The following MACF1 variants were observed in gnomAD, a reference collection of about 807,000 sequenced individuals.
MACF1 encodes microtubule-actin cross-linking factor 1.
Under a neutral mutation model 854.8 loss-of-function variants are expected in MACF1, and 193 were observed. The observed-to-expected ratio is 0.23, with a 90% CI of 0.20 to 0.25. MACF1 has a LOEUF of 0.25. Among genes scored for constraint, MACF1 ranks in the 10% least tolerant of loss-of-function variants. MACF1 has a pLI of 1.00. For missense variants in MACF1, 7,722 were observed against 8,929.1 expected, an observed-to-expected ratio of 0.86 and a Z score of 5.45; for synonymous variants, 3,185 against 3,226.7, an observed-to-expected ratio of 0.99 and a Z score of 0.44.
In MACF1 at chr1:39,442,129, T is replaced by C. The variant is rs1227207401; in HGVS notation, c.18775-18T>C. On this transcript the variant is annotated intron_variant, in intron 75 of 100. Transcript: ENST00000564288. The stretch of plus-strand genomic sequence containing the variant: ...TAAAGGCTTGATTTGATGTTAACAT[T>C]GAGTGTGTCTTTGACAGGAGTTCAA... The C allele has an allele frequency of 1.9e-6, 3 of 1,588,966 alleles. No individual in the cohort carries two copies. Among genetic ancestry groups the C allele is most frequent in the Non-Finnish European group, 2.6e-6 (3 of 1,170,008 alleles).
intron 6 of MACF1, among the ~76,000 whole-genome samples, chr1:39,275,137 G>T (rs1383055206): frequency 6.7e-6 from 1 of 149,480 alleles, no homozygotes; most frequent in Non-Finnish European, 1.5e-5. Context: ...GGAGTGCAGT[G>T]GCGCGATCTC....
At chr1:39,456,288 C>A (rs1310129590) in intron 89 of MACF1, among the ~76,000 whole-genome samples, 2 of 152,098 alleles carry the variant, frequency 1.3e-5, no homozygotes, top group Non-Finnish European at 2.9e-5. Context: ...GAGCTGTGAT[C>A]GCACCATTGC....
At chr1:39,300,495 T>C in intron 22 of MACF1, 133 bp downstream of exon 22, 1 of 859,238 alleles carries the variant, frequency 1.2e-6, no homozygotes, top group Non-Finnish European at 1.6e-6. Context: ...TGCTGAAGTC[T>C]CTCCTATCAT....
chr1:39,352,008 C>T (rs1488088069), intron 43 of MACF1, among the ~76,000 whole-genome samples: 3 of 152,144 alleles, frequency 2.0e-5, no homozygotes, highest in Admixed American at 6.6e-5. Context: ...CGATGGGAAT[C>T]GTGGCACTCG....
chr1:39,462,105 G>C, intron 93 of MACF1, 68 bp downstream of exon 93: 1 of 1,499,960 alleles, frequency 6.7e-7, no homozygotes. Flanking sequence ...AATTTGGTTG[G>C]GTTCAGTGAT....
At chr1:39,159,352 T>C (rs1643752749) in intron 2 of MACF1, among the ~76,000 whole-genome samples, 1 of 152,202 alleles carries the variant, frequency 6.6e-6, no homozygotes, top group Non-Finnish European at 1.5e-5. Flanking sequence ...GCTCTTGCCA[T>C]AGGGCCCTGC....
chr1:39,164,675 C>A (rs1164949639), intron 2 of MACF1, among the ~76,000 whole-genome samples: 1 of 152,174 alleles, frequency 6.6e-6, no homozygotes, highest in Admixed American at 6.5e-5. Flanking sequence ...GCAAGAATGA[C>A]CATCAATATT....
chr1:39,393,122 G>C (rs586057), intron 58 of MACF1, among the ~76,000 whole-genome samples: 58,549 of 145,932 alleles, frequency 0.4, 13,699 homozygotes, highest in African/African-American at 0.66. Context: ...AAGGAAGGAC[G>C]TTTTTATCAC....
At chr1:39,175,033 G>A (rs1315508250) in intron 2 of MACF1, among the ~76,000 whole-genome samples, 1 of 152,160 alleles carries the variant, frequency 6.6e-6, no homozygotes, top group Non-Finnish European at 1.5e-5. Flanking sequence ...CTAAGGAAGT[G>A]GCACAGAAAT....
intron 2 of MACF1, among the ~76,000 whole-genome samples, chr1:39,169,254 A>G (rs1643914006): frequency 6.6e-6 from 1 of 152,142 alleles, no homozygotes; most frequent in African/African-American, 2.4e-5. Flanking sequence ...CCGAAGTAGC[A>G]GCTACTTTCC....
chr1:39,192,111 A>C (rs994158107), intron 2 of MACF1, among the ~76,000 whole-genome samples: 1 of 152,098 alleles, frequency 6.6e-6, no homozygotes, highest in East Asian at 1.9e-4. Context: ...ATATCTCACC[A>C]CTGCACTCCA....
chr1:39,276,454 A>G (rs1037769037), intron 6 of MACF1, among the ~76,000 whole-genome samples: 10 of 152,172 alleles, frequency 6.6e-5, no homozygotes, highest in African/African-American at 1.7e-4. Flanking sequence ...TTTGTAATCT[A>G]TCTTATCTTT....
rs1243354947 is a variant in MACF1, at chr1:39,353,139, A to G, written c.11332A>G (p.Ser3778Gly). ...LPGMEQLSGA[S>G]LEKGALDTTD... ...AGGAATGGAGCAGCTCTCGGGAGCT[A>G]GCTTGGAGAAAGGAGCCTTGGACAC... Residue 3778 changes from serine (S) to glycine (G), a missense_variant, in exon 44 of 101, where the codon AGC (serine) becomes GGC (glycine). Physicochemically the swap from Ser to Gly is moderately conservative, Grantham distance 56 (BLOSUM62 0). This residue lies in a region of MACF1 where 2,807 missense variants were observed against 3,235.8 expected (regional missense o/e 0.87). Coordinates refer to ENST00000564288, the MANE Select transcript of MACF1 (RefSeq NM_001394062.1). 1.9e-6 allele frequency: 3 copies of G among 1,614,058 alleles called. No homozygotes were observed. Among genetic ancestry groups the G allele is most frequent in the Non-Finnish European group, 2.5e-6 (3 of 1,180,008 alleles).
intron 58 of MACF1, among the ~76,000 whole-genome samples, chr1:39,402,229 C>G (rs906850875): frequency 2.0e-5 from 3 of 152,074 alleles, no homozygotes; most frequent in Non-Finnish European, 4.4e-5. Context: ...GGGGGTGATT[C>G]AACCCAGAGA....
intron 58 of MACF1, chr1:39,412,819 C>T: frequency 1.9e-6 from 3 of 1,612,520 alleles, no homozygotes; most frequent in Non-Finnish European, 2.5e-6. Context: ...TGCTGCACTG[C>T]CCAGCCCAGA....
chr1:39,331,104 G>T (rs890992694), intron 36 of MACF1, 99 bp from the exon 37 acceptor site: 1 of 1,426,402 alleles, frequency 7.0e-7, no homozygotes. Flanking sequence ...ATAGTTCTTT[G>T]AATGACTCCT....
chr1:39,329,111 A>C (rs1646670032), intron 36 of MACF1, among the ~76,000 whole-genome samples: 1 of 152,256 alleles, frequency 6.6e-6, no homozygotes, highest in South Asian at 2.1e-4. Flanking sequence ...TAAAACAGAC[A>C]CATAGTGAGT....
At position 39,332,269 on chromosome 1, in the gene MACF1, CCACAGAGAT is replaced by C; in HGVS notation, c.5682_5690del (p.Thr1895_Ile1897del). 1.2e-6 allele frequency: 2 copies of C among 1,613,890 alleles called. No homozygotes were observed. On this transcript the variant is annotated inframe_deletion, in exon 37 of 101. Transcript: ENST00000564288. ...ATTAAGGCTCTGTTTCTACCAGCAA[CCACAGAGAT>C]TTTGTCCTGGAAGAAAGCAATAGAA...
chr1:39,350,038 C>T (rs1382973043), intron 42 of MACF1, among the ~76,000 whole-genome samples: 1 of 152,132 alleles, frequency 6.6e-6, no homozygotes, highest in East Asian at 1.9e-4. Flanking sequence ...GCAGGGCATA[C>T]AGAAATTATA....
Sources: gnomAD v4.1 joint callset for allele counts (sites outside exome capture counted in the v4.1 genomes callset) on GRCh38, gnomAD v4.1.1 for gene constraint, gnomAD v4.1.1 regional missense constraint, MANE v1.5 for transcripts, NCBI Gene and HGNC (gene_info 2026-07-23, HGNC 2026-07-21) for gene names.